SNRPD1: variants seen among roughly 807,000 people sequenced by gnomAD.
The protein encoded by SNRPD1 is small nuclear ribonucleoprotein D1 polypeptide, also known as small nuclear ribonucleoprotein Sm D1.
Under a neutral mutation model 14.4 loss-of-function variants are expected in SNRPD1, and 1 was observed. That is an observed-to-expected ratio of 0.07 (90% CI 0.02 to 0.33). The LOEUF (loss-of-function observed/expected upper bound fraction) is 0.33. SNRPD1 is among the 10% of genes least tolerant of loss of function. The pLI, the probability that SNRPD1 is intolerant of heterozygous loss-of-function variation, is 1.00. For missense variants in SNRPD1, 52 were observed against 146.4 expected (o/e 0.36, Z 3.33); for synonymous variants, 42 against 50.3 (o/e 0.83, Z 0.70).
Position 21,630,450 on chromosome 18 carries a change from C to T in SNRPD1, c.*1312C>T, listed in dbSNP as rs1345441246. The T allele has an allele frequency of 1.3e-5, 2 of 150,560 alleles. No individual in the cohort carries two copies. Among genetic ancestry groups the T allele is most frequent in the Non-Finnish European group, 1.5e-5 (1 of 67,724 alleles). 9.3% of individuals were successfully genotyped at this position (150,560 alleles called of 1,614,324 possible). A position where few individuals can be genotyped will look rare whatever the true frequency, so the allele number is the denominator to read the frequency against. On this transcript the variant is annotated 3_prime_UTR_variant, in exon 4 of 4. Transcript: ENST00000300413. ...TTTTTTTTTTAAGTAAAGAAATTTT[C>T]TGCAAAGATCGTTACCTTAAAAAAG... is the stretch of plus-strand genomic sequence containing the variant.
chr18:21,619,429 G>C (rs2038981236), intron 1 of SNRPD1, among the ~76,000 whole-genome samples: 1 of 151,786 alleles, frequency 6.6e-6, no homozygotes, highest in Non-Finnish European at 1.5e-5. Context: ...TGATCCGCCT[G>C]CCTCGCCCTC....
At chr18:21,614,259 T>G (rs2038941967) in intron 1 of SNRPD1, among the ~76,000 whole-genome samples, 1 of 152,150 alleles carries the variant, frequency 6.6e-6, no homozygotes, top group South Asian at 2.1e-4. Flanking sequence ...AGAGTGAGAC[T>G]CGGTCTCAAA....
chr18:21,632,292 CTACTGAAAA>C lies in SNRPD1; in HGVS notation c.*3158_*3166del, dbSNP rs2039089989. The C allele has an allele frequency of 6.6e-6, 1 of 152,038 alleles. No homozygotes were observed. Among genetic ancestry groups the C allele is most frequent in the Non-Finnish European group, 1.5e-5 (1 of 68,046 alleles). 9.4% of individuals were successfully genotyped at this position (152,038 alleles called of 1,614,324 possible). A position where few individuals can be genotyped will look rare whatever the true frequency, so the allele number is the denominator to read the frequency against. On this transcript the variant is annotated 3_prime_UTR_variant, in exon 4 of 4. Coordinates refer to ENST00000300413, the MANE Select transcript of SNRPD1 (RefSeq NM_006938.4). ...CCTGGGTAACATGGTGAAACCCTGT[CTACTGAAAA>C]TACAAAAATTAGCTTGGTGTGGTGG...
chr18:21,629,221 CAT>C lies in SNRPD1; in HGVS notation c.*85_*86del. On this transcript the variant is annotated 3_prime_UTR_variant, in exon 4 of 4. Transcript: ENST00000300413. ...TTTGTTTATGTCAGTTTTTAATAAA[CAT>C]AAATGTGGGACAGAGCTGTCTATTT... The C allele has an allele frequency of 9.6e-7, 1 of 1,044,454 alleles. No homozygotes were observed. Among genetic ancestry groups the C allele is most frequent in the Non-Finnish European group, 1.5e-6 (1 of 663,880 alleles). 64.7% of individuals were successfully genotyped at this position (1,044,454 alleles called of 1,614,324 possible).
intron 1 of SNRPD1, among the ~76,000 whole-genome samples, chr18:21,619,994 A>T (rs1162335682): frequency 6.6e-6 from 1 of 151,362 alleles, no homozygotes; most frequent in African/African-American, 2.4e-5. Context: ...TTGCTCTGTC[A>T]CCCAGGCTGC....
chr18:21,628,237 A>C (rs1451288106), intron 3 of SNRPD1, among the ~76,000 whole-genome samples: 1 of 152,112 alleles, frequency 6.6e-6, no homozygotes, highest in African/African-American at 2.4e-5. Context: ...AAAATTAGCC[A>C]GACATGATGG....
At chr18:21,627,248 C>T (rs1280042814) in intron 3 of SNRPD1, among the ~76,000 whole-genome samples, 1 of 151,794 alleles carries the variant, frequency 6.6e-6, no homozygotes. Flanking sequence ...TTCTTTTTTA[C>T]AGATATGCAC....
At chr18:21,621,412 T>A (rs2038996988) in intron 1 of SNRPD1, among the ~76,000 whole-genome samples, 1 of 152,172 alleles carries the variant, frequency 6.6e-6, no homozygotes, top group South Asian at 2.1e-4. Flanking sequence ...TTATTTTGGC[T>A]TTTTGTGAGA....
At chr18:21,621,046 T>C (rs982330442) in intron 1 of SNRPD1, among the ~76,000 whole-genome samples, 2 of 151,744 alleles carry the variant, frequency 1.3e-5, no homozygotes, top group South Asian at 4.2e-4. Flanking sequence ...CGAGCGCCTG[T>C]AATCCCAGCT....
At chr18:21,625,729 G>GCCTCTC in intron 3 of SNRPD1, among the ~76,000 whole-genome samples, 1 of 152,228 alleles carries the variant, frequency 6.6e-6, no homozygotes, top group South Asian at 2.1e-4. Context: ...TCCTGCCTCT[G>GCCTCTC]CCTCTCCAGT....
At chr18:21,617,493 C>G (rs903990158) in intron 1 of SNRPD1, among the ~76,000 whole-genome samples, 1 of 152,098 alleles carries the variant, frequency 6.6e-6, no homozygotes. Flanking sequence ...ATTTGTCTTC[C>G]TAGAGATTAT....
chr18:21,629,253 T>C lies in SNRPD1; in HGVS notation c.*115T>C. On this transcript the variant is annotated 3_prime_UTR_variant, in exon 4 of 4. Transcript: ENST00000300413. The stretch of plus-strand genomic sequence containing the variant: ...GTGGGACAGAGCTGTCTATTTAGTA[T>C]ATCAAAGTTTTAGTAGTTTCCTCCA... The C allele has an allele frequency of 1.3e-6, 1 of 775,718 alleles. No homozygotes were observed. The allele number at this position is 775,718 out of a possible 1,614,324, so 48.1% of individuals were successfully genotyped here.
At chr18:21,618,301 G>T (rs2038972392) in intron 1 of SNRPD1, among the ~76,000 whole-genome samples, 1 of 151,348 alleles carries the variant, frequency 6.6e-6, no homozygotes, top group African/African-American at 2.4e-5. Flanking sequence ...GGGCATGGTG[G>T]CATAGTCTCA....
intron 1 of SNRPD1, among the ~76,000 whole-genome samples, chr18:21,620,991 G>A (rs1006765570): frequency 3.3e-5 from 5 of 151,496 alleles, no homozygotes; most frequent in African/African-American, 7.3e-5. Context: ...GTGAAACCCC[G>A]TCTCTACTAA....
At chr18:21,621,258 T>C (rs763892710) in intron 1 of SNRPD1, among the ~76,000 whole-genome samples, 63 of 152,182 alleles carry the variant, frequency 4.1e-4, no homozygotes, top group Non-Finnish European at 7.6e-4. Context: ...GAAAGACTTA[T>C]AGCAACTTGT....
At position 21,632,858 on chromosome 18, in the gene SNRPD1, T is replaced by TC; in HGVS notation, c.*3720_*3721insC. 1 of 132,052 alleles carries TC rather than the reference T, an allele frequency of 7.6e-6. No individual in the cohort carries two copies. Among genetic ancestry groups the TC allele is most frequent in the South Asian group, 2.3e-4 (1 of 4,262 alleles). 8.2% of individuals were successfully genotyped at this position (132,052 alleles called of 1,614,324 possible). ...TTCTTTTCTTTTCTTTTCTTTTCTT[T>TC]TTTTTTTTTTGAGACAGAGTCTAGC... On this transcript the variant is annotated 3_prime_UTR_variant, in exon 4 of 4. Transcript: ENST00000300413.
intron 2 of SNRPD1, among the ~76,000 whole-genome samples, chr18:21,623,466 A>T (rs2039013253): frequency 6.6e-6 from 1 of 152,206 alleles, no homozygotes; most frequent in Non-Finnish European, 1.5e-5. Flanking sequence ...TACCTGTCAC[A>T]TCAGTAGTGA....
In SNRPD1 at chr18:21,624,701, A is replaced by AAT. The variant is rs745537224; in HGVS notation, c.283+779_283+780dup. On this transcript the variant is annotated intron_variant, in intron 3 of 3. Coordinates refer to ENST00000300413, the MANE Select transcript of SNRPD1 (RefSeq NM_006938.4). Reference sequence around the variant, plus strand: ...GTGAGACTTTGTCTCAAAAAAAAAAAATATATATATATATATATGATTGTA... The same window carrying AAT: ...GTGAGACTTTGTCTCAAAAAAAAAAAATATATATATATATATATATGATTGTA... Among the ~76,000 whole-genome samples the AAT allele has an allele frequency of 2.2e-3, 327 of 146,088 alleles. 1 individual carries two copies. The highest frequency in any genetic ancestry group is 4.7e-3 in the South Asian group (22 of 4,640).
In SNRPD1 at chr18:21,631,544, C is replaced by T. The variant is rs1354864236; in HGVS notation, c.*2406C>T. 1.4e-5 allele frequency: 2 copies of T among 141,562 alleles called. No individual in the cohort carries two copies. The highest frequency in any genetic ancestry group is 3.0e-5 in the Non-Finnish European group (2 of 65,994). The allele number at this position is 141,562 out of a possible 1,614,324, so 8.8% of individuals were successfully genotyped here. A position where few individuals can be genotyped will look rare whatever the true frequency, so the allele number is the denominator to read the frequency against. ...CTCTGCCTCCCGGGTTCAGGCCATT[C>T]TCCTGCCTCAGCCTCCCGAGTAGCT... On this transcript the variant is annotated 3_prime_UTR_variant, in exon 4 of 4. Transcript: ENST00000300413.
Sources: allele counts gnomAD v4.1 joint callset (sites outside exome capture counted in the v4.1 genomes callset), GRCh38; gene constraint gnomAD v4.1.1; transcripts MANE v1.5; gene names NCBI Gene and HGNC (gene_info 2026-07-23, HGNC 2026-07-21).